Variants in CABP1 observed in about 807,000 individuals in gnomAD.
CABP1 encodes calcium-binding protein 1.
CABP1 carries 17 observed loss-of-function variants against 34.3 expected under a neutral mutation model. The ratio of observed to expected loss-of-function variants is 0.50; its 90% CI spans 0.34 to 0.74. The LOEUF is 0.74. CABP1 is among the 30% of genes least tolerant of loss of function. The pLI is 0.01. For missense variants in CABP1, 373 were observed against 511.1 expected (o/e 0.73, Z 2.61); for synonymous variants, 198 against 229.2 (o/e 0.86, Z 1.23).
chr12:120,642,048 T>C (rs1879357511), intron 1 of CABP1, among the ~76,000 whole-genome samples: 2 of 152,162 alleles, frequency 1.3e-5, no homozygotes, highest in African/African-American at 4.8e-5. Context: ...CCCAGGCACC[T>C]GGGAGCCTGC....
intron 1 of CABP1, among the ~76,000 whole-genome samples, chr12:120,647,974 A>G (rs1302356618): frequency 6.6e-6 from 1 of 152,150 alleles, no homozygotes; most frequent in Non-Finnish European, 1.5e-5. Context: ...CCCAGTGCCC[A>G]TTGGAGACAG....
chr12:120,663,313 C>T (rs543741319), intron 5 of CABP1, among the ~76,000 whole-genome samples: 4 of 152,052 alleles, frequency 2.6e-5, no homozygotes, highest in East Asian at 3.9e-4. Flanking sequence ...CTTGCTCTGT[C>T]GCCCAGGCTG....
At chr12:120,665,210 G>T (rs532298757) in intron 5 of CABP1, among the ~76,000 whole-genome samples, 1 of 151,714 alleles carries the variant, frequency 6.6e-6, no homozygotes, top group Non-Finnish European at 1.5e-5. Context: ...ATCACTTGAG[G>T]TCAGGAGTTC....
chr12:120,673,379 T>G, the CABP1 span, among the ~76,000 whole-genome samples: 1 of 152,008 alleles, frequency 6.6e-6, no homozygotes, highest in African/African-American at 2.4e-5. Flanking sequence ...GGTCAGGAGA[T>G]CGAGACCATC....
intron 1 of CABP1, among the ~76,000 whole-genome samples, chr12:120,647,120 G>T (rs942108480): frequency 3.5e-4 from 54 of 152,198 alleles, no homozygotes; most frequent in African/African-American, 1.3e-3. Context: ...CAGGGGGCAG[G>T]AACCACCAGA....
At chr12:120,675,975 C>T in the CABP1 span, among the ~76,000 whole-genome samples, 1 of 152,114 alleles carries the variant, frequency 6.6e-6, no homozygotes, top group Non-Finnish European at 1.5e-5. Context: ...ACTTGGGAGG[C>T]TGAGGCAGGG....
chr12:120,656,439 A>C (rs1880227288), intron 1 of CABP1, among the ~76,000 whole-genome samples: 1 of 134,602 alleles, frequency 7.4e-6, no homozygotes, highest in Admixed American at 7.6e-5. Context: ...CATATCCACG[A>C]GCAAAATAAT....
At chr12:120,652,780 G>T (rs1157530170) in intron 1 of CABP1, among the ~76,000 whole-genome samples, 1 of 152,128 alleles carries the variant, frequency 6.6e-6, no homozygotes, top group Non-Finnish European at 1.5e-5. Flanking sequence ...CTCTTGGCCA[G>T]CTTGTATTAT....
the CABP1 span, among the ~76,000 whole-genome samples, chr12:120,673,165 G>C: frequency 6.6e-6 from 1 of 152,180 alleles, no homozygotes; most frequent in Non-Finnish European, 1.5e-5. Context: ...AGGAGCTTCT[G>C]GGGTGTCTGA....
chr12:120,679,393 T>C, the CABP1 span, among the ~76,000 whole-genome samples: 3 of 152,168 alleles, frequency 2.0e-5, no homozygotes, highest in Non-Finnish European at 4.4e-5. Flanking sequence ...GCTTCTCATC[T>C]GCAAAAAAGG....
Position 120,661,195 on chromosome 12 carries a change from G to C in CABP1, c.1064G>C (p.Gly355Ala), listed in dbSNP as rs1262535240. Residue 355 changes from glycine to alanine, a missense_variant, in exon 5 of 6, where the codon GGG (glycine) becomes GCG (alanine). Around this residue, in one of 4 missense-constraint regions of CABP1, gnomAD observed 109 missense variants for 204.8 expected, o/e 0.53. Transcript: ENST00000316803. The surrounding 1 kb of genome is among the most constrained non-coding windows in gnomAD (Gnocchi z 5.1). Reference sequence around the variant, plus strand: ...ATTATCCGAGATGTGGACCTCAATGGGGATGGACGAGTGGACTTTGAAGGT... The same window carrying C: ...ATTATCCGAGATGTGGACCTCAATGCGGATGGACGAGTGGACTTTGAAGGT... ...EEIIRDVDLN[G>A]DGRVDFEEFV... 4 of 1,610,204 alleles carry C rather than the reference G, an allele frequency of 2.5e-6. No homozygotes were observed. The highest frequency in any genetic ancestry group is 3.4e-6 in the Non-Finnish European group (4 of 1,179,864).
the CABP1 span, among the ~76,000 whole-genome samples, chr12:120,679,664 C>T: frequency 2.6e-5 from 4 of 151,834 alleles, no homozygotes; most frequent in Non-Finnish European, 5.9e-5. Context: ...CCCGTCTCTA[C>T]TAAAAATACA....
At chr12:120,648,011 T>TTATG (rs1879631035) in intron 1 of CABP1, among the ~76,000 whole-genome samples, 1 of 152,102 alleles carries the variant, frequency 6.6e-6, no homozygotes, top group Non-Finnish European at 1.5e-5. Context: ...CTGGGGAAGC[T>TTATG]CCCCAGTTAT....
At chr12:120,680,115 G>A in the CABP1 span, among the ~76,000 whole-genome samples, 1 of 152,164 alleles carries the variant, frequency 6.6e-6, no homozygotes, top group Admixed American at 6.5e-5. Context: ...AGAGGCTGCA[G>A]TGAGCAGAAA....
rs1010497504 is a variant in CABP1 at position 120,667,129 on chromosome 12, C to G, written c.*229C>G. On this transcript the variant is annotated 3_prime_UTR_variant, in exon 6 of 6. Coordinates refer to ENST00000316803, the MANE Select transcript of CABP1 (RefSeq NM_001033677.2). ...CCCGCCGACGAGGAGGCCACCGTGC[C>G]AAGCCGGCAGAGGTCATGCCAGGCG... 1.7e-6 allele frequency: 1 copy of G among 595,774 alleles called. No individual in the cohort carries two copies. Among genetic ancestry groups the G allele is most frequent in the African/African-American group, 1.9e-5 (1 of 53,526 alleles). The allele number at this position is 595,774 out of a possible 1,614,324, so 36.9% of individuals were successfully genotyped here.
At chr12:120,668,767 A>C (rs1881139445), downstream of CABP1, among the ~76,000 whole-genome samples, 1 of 152,192 alleles carries the variant, frequency 6.6e-6, no homozygotes, top group African/African-American at 2.4e-5. Flanking sequence ...CCCAAAGGAG[A>C]AATCTGTGGG....
rs1490601856 is a variant in CABP1, at chr12:120,641,185, G to A, written c.500G>A (p.Gly167Glu). 2 of 1,242,028 alleles carry A rather than the reference G, an allele frequency of 1.6e-6. No individual in the cohort carries two copies. The highest frequency in any genetic ancestry group is 4.2e-5 in the Admixed American group (1 of 23,566). 76.9% of individuals were successfully genotyped at this position (1,242,028 alleles called of 1,614,324 possible). A position where few individuals can be genotyped will look rare whatever the true frequency, so the allele number is the denominator to read the frequency against. The change falls in exon 1 of 6, where the codon GGG becomes GAG. Residue 167 changes from glycine (G) to glutamate (E), a missense_variant. Physicochemically the swap from Gly to Glu is moderately conservative, Grantham distance 98. Around this residue, in one of 4 missense-constraint regions of CABP1, gnomAD observed 121 missense variants for 125.5 expected, o/e 0.96. Transcript: ENST00000316803. This position sits in a 1 kb window ranked among gnomAD's most constrained non-coding sequence, Gnocchi z 6.7. ...SPSSPLPPAR[G>E]RDGEERGLSP... is the part of the protein sequence containing the mutation. Reference sequence around the variant, plus strand: ...TCGTCGCCGCTGCCGCCGGCCCGCGGGCGGGATGGGGAGGAACGGGGACTG... The same window carrying A: ...TCGTCGCCGCTGCCGCCGGCCCGCGAGCGGGATGGGGAGGAACGGGGACTG...
chr12:120,679,064 C>T, the CABP1 span, among the ~76,000 whole-genome samples: 1 of 110,486 alleles, frequency 9.1e-6, no homozygotes, highest in Non-Finnish European at 1.7e-5. Flanking sequence ...CAGAGTGAGA[C>T]ACCATCTCCA....
At chr12:120,664,471 T>C (rs1426815667) in intron 5 of CABP1, among the ~76,000 whole-genome samples, 1 of 152,236 alleles carries the variant, frequency 6.6e-6, no homozygotes, top group African/African-American at 2.4e-5. Context: ...TTATAGCAGC[T>C]TTATTCATAA....
Sources: gnomAD v4.1 joint callset for allele counts (sites outside exome capture counted in the v4.1 genomes callset) on GRCh38, gnomAD v4.1.1 for gene constraint, gnomAD v4.1.1 regional missense constraint, Gnocchi (gnomAD v3.1) non-coding constraint, MANE v1.5 for transcripts, NCBI Gene and HGNC (gene_info 2026-07-23, HGNC 2026-07-21) for gene names.